TFCP2L1: variants seen among roughly 807,000 people sequenced by gnomAD.
TFCP2L1 encodes transcription factor CP2-like protein 1.
A neutral mutation model predicts 72.2 loss-of-function variants in TFCP2L1; 12 were observed. The observed-to-expected ratio is 0.17, with a 90% confidence interval of 0.11 to 0.27. TFCP2L1 has a LOEUF of 0.27. TFCP2L1 is among the 10% of genes least tolerant of loss of function. TFCP2L1 has a pLI of 1.00. For synonymous variants in TFCP2L1, 260 were observed against 251.0 expected (o/e 1.04, Z -0.34); for missense variants, 488 against 624.6 (o/e 0.78, Z 2.33).
At chr2:121,251,338 T>A (rs1686609711) in intron 2 of TFCP2L1, among the ~76,000 whole-genome samples, 1 of 152,212 alleles carries the variant, frequency 6.6e-6, no homozygotes, top group Admixed American at 6.5e-5. Context: ...GGAACCATGG[T>A]ACATTATCAA....
At position 121,281,105 on chromosome 2, in the gene TFCP2L1, G is replaced by T; in HGVS notation, c.214+15C>A. On this transcript the variant is annotated intron_variant, in intron 2 of 14. Coordinates refer to ENST00000263707, the MANE Select transcript of TFCP2L1 (RefSeq NM_014553.3). ...CTTCTGGGTTCCGCCCTGGCCCGGGGCCTCTGGCCACTACCTTGGTTGAGG... is the reference window on the plus strand; with the variant it reads ...CTTCTGGGTTCCGCCCTGGCCCGGGTCCTCTGGCCACTACCTTGGTTGAGG... 3 of 1,613,868 alleles carry T rather than the reference G, an allele frequency of 1.9e-6. No individual in the cohort carries two copies. The highest frequency in any genetic ancestry group is 2.5e-6 in the Non-Finnish European group (3 of 1,180,002).
intron 2 of TFCP2L1, among the ~76,000 whole-genome samples, chr2:121,262,367 A>G (rs149021637): frequency 3.3e-5 from 5 of 152,270 alleles, no homozygotes; most frequent in East Asian, 1.9e-4. Context: ...CGGGAGGCTG[A>G]GGCAGGAGAA....
At chr2:121,249,772 A>G in intron 2 of TFCP2L1, 125 bp from the exon 3 acceptor site, 2 of 944,550 alleles carry the variant, frequency 2.1e-6, no homozygotes, top group Non-Finnish European at 3.3e-6. Flanking sequence ...GGAGCAAAGC[A>G]GAGAAGAAAA....
chr2:121,256,755 G>A lies in TFCP2L1; in HGVS notation c.215-7108C>T, dbSNP rs1427639668. Among the ~76,000 whole-genome samples, 30 of 151,684 alleles carry A rather than the reference G, an allele frequency of 2.0e-4. 1 individual carries two copies. Among genetic ancestry groups the A allele is most frequent in the Admixed American group, 1.2e-3 (19 of 15,212 alleles). On this transcript the variant is annotated intron_variant, in intron 2 of 14. Coordinates refer to ENST00000263707, the MANE Select transcript of TFCP2L1 (RefSeq NM_014553.3). ...GGCGTCATTGCACTCCAGCTGGGGC[G>A]ACAAGAGCGAAACTCCATCTCAAAA...
chr2:121,233,752 C>T (rs1387255627), intron 12 of TFCP2L1, among the ~76,000 whole-genome samples: 1 of 152,214 alleles, frequency 6.6e-6, no homozygotes, highest in Non-Finnish European at 1.5e-5. Context: ...TCAGGAGCTG[C>T]ATCAGGAGCA....
chr2:121,282,900 A>G (rs1687293413), intron 1 of TFCP2L1, among the ~76,000 whole-genome samples: 1 of 152,220 alleles, frequency 6.6e-6, no homozygotes, highest in African/African-American at 2.4e-5. Context: ...CACACCTGGA[A>G]AACCTGCCCT....
intron 2 of TFCP2L1, among the ~76,000 whole-genome samples, chr2:121,278,425 C>T (rs554974288): frequency 2.6e-5 from 4 of 151,078 alleles, no homozygotes; most frequent in Non-Finnish European, 1.5e-5. Flanking sequence ...GTGGCTCACG[C>T]CTGTAATCCC....
At chr2:121,239,315 C>T (rs1686313690) in intron 8 of TFCP2L1, among the ~76,000 whole-genome samples, 1 of 152,202 alleles carries the variant, frequency 6.6e-6, no homozygotes. Flanking sequence ...ACCGCATGCA[C>T]CCTCAAGCCA....
At position 121,284,949 on chromosome 2, in the gene TFCP2L1, G is replaced by C. The variant is rs185109879; in HGVS notation, c.62+99C>G. 27 of 1,106,966 alleles carry C rather than the reference G, an allele frequency of 2.4e-5. No individual in the cohort carries two copies. In the Admixed American group the frequency reaches 9.4e-4, roughly 38 times the overall value. 68.6% of individuals were successfully genotyped at this position (1,106,966 alleles called of 1,614,324 possible). ...CAGAGGGCGGACAGCGGGGAGGCCAGGGCCCAGCAGGGGCGCCCCCTCTCC... is the reference window on the plus strand; with the variant it reads ...CAGAGGGCGGACAGCGGGGAGGCCACGGCCCAGCAGGGGCGCCCCCTCTCC... On this transcript the variant is annotated intron_variant, in intron 1 of 14. Transcript: ENST00000263707.
chr2:121,262,860 A>C (rs1052190722), intron 2 of TFCP2L1, among the ~76,000 whole-genome samples: 1 of 152,174 alleles, frequency 6.6e-6, no homozygotes, highest in African/African-American at 2.4e-5. Context: ...GTACCTGGAC[A>C]CTTAATAACC....
chr2:121,267,852 C>T (rs1232332064), intron 2 of TFCP2L1, among the ~76,000 whole-genome samples: 1 of 152,134 alleles, frequency 6.6e-6, no homozygotes, highest in Non-Finnish European at 1.5e-5. Context: ...CAAGTAACCT[C>T]GTATTTATTT....
At position 121,266,690 on chromosome 2, in the gene TFCP2L1, A is replaced by G. The variant is rs543572628; in HGVS notation, c.214+14430T>C. 6.6e-5 allele frequency among the ~76,000 whole-genome samples: 10 copies of G among 152,258 alleles called. No homozygotes were observed. The South Asian group carries it at 2.1e-3, about 32-fold the overall frequency. ...GCTTTAATCCGTTCTCAATCGAGGA[A>G]GTCTATCACATCCCCAGTGAAAGGG... On this transcript the variant is annotated intron_variant, in intron 2 of 14. Coordinates refer to ENST00000263707, the MANE Select transcript of TFCP2L1 (RefSeq NM_014553.3).
Position 121,235,311 on chromosome 2 carries a change from C to T in TFCP2L1, c.1004G>A (p.Gly335Asp). The change falls in exon 11 of 15, where the codon GGT (glycine) becomes GAT (aspartate). Residue 335 changes from glycine to aspartate, a missense_variant and splice_region_variant. Gly to Asp is a moderately conservative substitution (Grantham distance 94). This residue lies in a region of TFCP2L1 where 286 missense variants were observed against 329.0 expected (regional missense o/e 0.87). Transcript: ENST00000263707. ...TCGGGACATCTTCAGCAAGTCAGCA[C>T]CTAGGCAGGAAAAAAACGGGGATGC... ...QFCRLFASFSGADLLKMSRDD... is the reference protein window; with the variant it reads ...QFCRLFASFSDADLLKMSRDD... 1 of 1,614,018 alleles carries T rather than the reference C, an allele frequency of 6.2e-7. No individual in the cohort carries two copies. Among genetic ancestry groups the T allele is most frequent in the Non-Finnish European group, 8.5e-7 (1 of 1,180,010 alleles).
At chr2:121,228,024 C>T in intron 13 of TFCP2L1, among the ~76,000 whole-genome samples, 1 of 152,258 alleles carries the variant, frequency 6.6e-6, no homozygotes, top group Non-Finnish European at 1.5e-5. Flanking sequence ...AATGAAGTGC[C>T]CTTGCACCCC....
intron 2 of TFCP2L1, among the ~76,000 whole-genome samples, chr2:121,267,355 GATT>G (rs1296682936): frequency 1.3e-5 from 2 of 152,096 alleles, no homozygotes; most frequent in Admixed American, 6.6e-5. Context: ...CCAGCAATGT[GATT>G]ATTAAGAACA....
chr2:121,269,691 T>C lies in TFCP2L1; in HGVS notation c.214+11429A>G, dbSNP rs111679662. ...ACTCTGGGAGGCTGCAGCGGATCAC[T>C]TGAGTTCAGGAGTTCGAGACCAGCC... On this transcript the variant is annotated intron_variant, in intron 2 of 14. Coordinates refer to ENST00000263707, the MANE Select transcript of TFCP2L1 (RefSeq NM_014553.3). Among the ~76,000 whole-genome samples, 317 of 152,072 alleles carry C rather than the reference T, an allele frequency of 2.1e-3. 4 individuals carry two copies. Among genetic ancestry groups the C allele is most frequent in the African/African-American group, 7.0e-3 (291 of 41,482 alleles).
chr2:121,272,772 T>C (rs1558745374), intron 2 of TFCP2L1, among the ~76,000 whole-genome samples: 1 of 152,296 alleles, frequency 6.6e-6, no homozygotes, highest in East Asian at 1.9e-4. Context: ...CATTAGCTCA[T>C]TTTACCCATA....
intron 2 of TFCP2L1, 26 bp from the exon 3 acceptor site, chr2:121,249,673 T>C (rs1382438149): frequency 1.9e-6 from 3 of 1,612,238 alleles, no homozygotes; most frequent in Non-Finnish European, 8.5e-7. Context: ...AAGGACATTT[T>C]CCATTTCTGA....
Position 121,220,390 on chromosome 2 carries a change from A to G in TFCP2L1, c.*3951T>C, listed in dbSNP as rs1260381036. 1 of 152,200 alleles carries G rather than the reference A, an allele frequency of 6.6e-6. No homozygotes were observed. The highest frequency in any genetic ancestry group is 1.5e-5 in the Non-Finnish European group (1 of 68,060). 9.4% of individuals were successfully genotyped at this position (152,200 alleles called of 1,614,324 possible). On this transcript the variant is annotated 3_prime_UTR_variant, in exon 15 of 15. Transcript: ENST00000263707. ...CCTCCAGCAAACCTATTATTCCTCC[A>G]TTCAACAGCCTCTGTCCCTTCATCC...
Sources: gnomAD v4.1 joint callset for allele counts (sites outside exome capture counted in the v4.1 genomes callset) on GRCh38, gnomAD v4.1.1 for gene constraint, gnomAD v4.1.1 regional missense constraint, MANE v1.5 for transcripts, NCBI Gene and HGNC (gene_info 2026-07-23, HGNC 2026-07-21) for gene names.